TRAF3IP1: variants seen among roughly 807,000 people sequenced by gnomAD.
TRAF3IP1 encodes the protein intraflagellar transport 54, also known as TRAF3-interacting protein 1.
In TRAF3IP1, 53 loss-of-function variants were observed where a neutral mutation model predicts 89.9. The ratio of observed to expected loss-of-function variants is 0.59; its 90% confidence interval spans 0.47 to 0.74. The LOEUF is 0.74. Among genes scored for constraint, TRAF3IP1 ranks in the 30% least tolerant of loss-of-function variants. The probability of loss-of-function intolerance (pLI) is 0.00; values close to 1 mark genes in which losing one functional copy is unlikely to be tolerated. For synonymous variants in TRAF3IP1, 311 were observed against 322.1 expected, an observed-to-expected ratio of 0.97 and a Z score of 0.37; for missense variants, 806 against 866.1, an observed-to-expected ratio of 0.93 and a Z score of 0.87.
At chr2:238,323,317 G>A (rs376957825) in intron 1 of TRAF3IP1, among the ~76,000 whole-genome samples, 1 of 152,178 alleles carries the variant, frequency 6.6e-6, no homozygotes, top group Non-Finnish European at 1.5e-5. Context: ...GACCTCAGGT[G>A]ATCCGCCTGC....
chr2:238,326,272 G>T (rs1300736007), intron 3 of TRAF3IP1, among the ~76,000 whole-genome samples: 2 of 152,226 alleles, frequency 1.3e-5, no homozygotes, highest in Non-Finnish European at 2.9e-5. Flanking sequence ...GCAGGCCCAG[G>T]CTTCCATGCC....
intron 8 of TRAF3IP1, among the ~76,000 whole-genome samples, chr2:238,338,755 G>A (rs1401804627): frequency 6.6e-6 from 1 of 152,202 alleles, no homozygotes; most frequent in Non-Finnish European, 1.5e-5. Context: ...ACAGTGGTGT[G>A]GCTGATGACA....
intron 3 of TRAF3IP1, 141 bp from the exon 4 acceptor site, chr2:238,328,545 C>A (rs1697951170): frequency 3.7e-6 from 4 of 1,080,906 alleles, no homozygotes; most frequent in Non-Finnish European, 3.9e-6. Flanking sequence ...ATAACATGTT[C>A]AAAAAATATT....
chr2:238,332,722 T>C (rs1698188740), intron 5 of TRAF3IP1, 102 bp from the exon 6 acceptor site: 1 of 848,742 alleles, frequency 1.2e-6, no homozygotes, highest in Non-Finnish European at 1.9e-6. Flanking sequence ...ATGGGAAGAA[T>C]GATTTCACTG....
At chr2:238,330,885 T>C (rs928281210) in intron 5 of TRAF3IP1, among the ~76,000 whole-genome samples, 2 of 152,248 alleles carry the variant, frequency 1.3e-5, no homozygotes, top group Non-Finnish European at 2.9e-5. Context: ...CCCTATGATA[T>C]GTGTCATACC....
chr2:238,383,066 CCTTCCCTTGG>C (rs1700615368), intron 15 of TRAF3IP1, among the ~76,000 whole-genome samples: 1 of 152,154 alleles, frequency 6.6e-6, no homozygotes, highest in South Asian at 2.1e-4. Flanking sequence ...CAGCCTGCAG[CCTTCCCTTGG>C]CTTCCGGAAC....
rs1429832501 is a variant in TRAF3IP1, at chr2:238,379,230, T to C, written c.1690-18229T>C. Reference sequence around the variant, plus strand: ...CCCCATTTAAGTCCCTGCCCACGAGTCTCCTCTTCAGAGAGGCCTTTCCTG... The same window carrying C: ...CCCCATTTAAGTCCCTGCCCACGAGCCTCCTCTTCAGAGAGGCCTTTCCTG... On this transcript the variant is annotated intron_variant, in intron 15 of 16. Coordinates refer to ENST00000373327, the MANE Select transcript of TRAF3IP1 (RefSeq NM_015650.4). This position sits in a 1 kb window ranked among gnomAD's most constrained non-coding sequence, Gnocchi z 4.0. Among the ~76,000 whole-genome samples, 1 of 152,074 alleles carries C rather than the reference T, an allele frequency of 6.6e-6. No individual in the cohort carries two copies. Among genetic ancestry groups the C allele is most frequent in the East Asian group, 1.9e-4 (1 of 5,180 alleles).
At chr2:238,344,352 C>T (rs1574916693) in intron 8 of TRAF3IP1, 145 bp from the exon 9 acceptor site, 3 of 658,734 alleles carry the variant, frequency 4.6e-6, no homozygotes, top group Non-Finnish European at 7.8e-6. Context: ...TTTCTAAAAG[C>T]TGCCTTTGGT....
intron 3 of TRAF3IP1, among the ~76,000 whole-genome samples, 179 bp from the exon 4 acceptor site, chr2:238,328,497 TAATAGTTATC>T (rs1697947962): frequency 1.3e-5 from 2 of 152,230 alleles, no homozygotes; most frequent in Admixed American, 1.3e-4. Context: ...GTGCTGAAAG[TAATAGTTATC>T]AAGATATGCT....
At chr2:238,375,504 G>A (rs554897602) in intron 15 of TRAF3IP1, among the ~76,000 whole-genome samples, 15 of 152,222 alleles carry the variant, frequency 9.9e-5, no homozygotes, top group Non-Finnish European at 1.6e-4. Flanking sequence ...ACAGCTTGTC[G>A]TGATTTCTGT....
At chr2:238,350,935 A>G (rs1314336924) in intron 12 of TRAF3IP1, among the ~76,000 whole-genome samples, 1 of 151,992 alleles carries the variant, frequency 6.6e-6, no homozygotes, top group Non-Finnish European at 1.5e-5. Flanking sequence ...GTCATGACCA[A>G]TGTGGGATTT....
At chr2:238,339,964 A>C (rs937203356) in intron 8 of TRAF3IP1, among the ~76,000 whole-genome samples, 4 of 150,890 alleles carry the variant, frequency 2.7e-5, no homozygotes, top group African/African-American at 9.7e-5. Flanking sequence ...TCTGGGTTGA[A>C]CTTTTTGCAG....
intron 12 of TRAF3IP1, among the ~76,000 whole-genome samples, chr2:238,350,559 C>T (rs1699104755): frequency 6.6e-6 from 1 of 152,034 alleles, no homozygotes; most frequent in African/African-American, 2.4e-5. Context: ...AGGGGTGATC[C>T]TACTTTGGGG....
chr2:238,366,723 A>AAAAAATCTTT (rs1424822513), intron 15 of TRAF3IP1, among the ~76,000 whole-genome samples: 2 of 152,164 alleles, frequency 1.3e-5, no homozygotes, highest in African/African-American at 2.4e-5. Flanking sequence ...TTTGCATAAA[A>AAAAAATCTTT]AAAAATCTTT....
At chr2:238,398,666 A>G (rs1701349010) in intron 16 of TRAF3IP1, 88 bp from the exon 17 acceptor site, 1 of 1,327,610 alleles carries the variant, frequency 7.5e-7, no homozygotes, top group Admixed American at 2.7e-5. Context: ...CGAATAATTT[A>G]CTTCTGTTGT....
At chr2:238,328,554 T>C in intron 3 of TRAF3IP1, 132 bp from the exon 4 acceptor site, 2 of 1,121,590 alleles carry the variant, frequency 1.8e-6, no homozygotes, top group African/African-American at 1.6e-5. Context: ...TCAAAAAATA[T>C]TTTATCCTTT....
intron 8 of TRAF3IP1, among the ~76,000 whole-genome samples, chr2:238,341,908 T>C (rs1698677603): frequency 6.6e-6 from 1 of 152,176 alleles, no homozygotes; most frequent in South Asian, 2.1e-4. Context: ...GTTCATTGGT[T>C]ACCAGGTAGC....
Position 238,379,255 on chromosome 2 carries a change from G to A in TRAF3IP1, c.1690-18204G>A, listed in dbSNP as rs965834011. 5.9e-5 allele frequency among the ~76,000 whole-genome samples: 9 copies of A among 152,168 alleles called. No individual in the cohort carries two copies. Among genetic ancestry groups the A allele is most frequent in the Admixed American group, 5.9e-4 (9 of 15,270 alleles). On this transcript the variant is annotated intron_variant, in intron 15 of 16. Coordinates refer to ENST00000373327, the MANE Select transcript of TRAF3IP1 (RefSeq NM_015650.4). The surrounding 1 kb of genome is among the most constrained non-coding windows in gnomAD (Gnocchi z 4.0). ...TCTCCTCTTCAGAGAGGCCTTTCCT[G>A]TCCACCTAGCTGTGTGGGGCCTCAG...
In TRAF3IP1 at chr2:238,351,697, GGTT is replaced by G. The variant is rs1195437898; in HGVS notation, c.1452-1125_1452-1123del. 6.6e-6 allele frequency among the ~76,000 whole-genome samples: 1 copy of G among 152,146 alleles called. No homozygotes were observed. Among genetic ancestry groups the G allele is most frequent in the Non-Finnish European group, 1.5e-5 (1 of 68,028 alleles). The stretch of plus-strand genomic sequence containing the variant: ...TTGGTCCTGGCGGAGCCACACAGGT[GGTT>G]GTTGAGTGTCTCAAGGACCCAGTTG... On this transcript the variant is annotated intron_variant, in intron 12 of 16. Coordinates refer to ENST00000373327, the MANE Select transcript of TRAF3IP1 (RefSeq NM_015650.4). The surrounding 1 kb of genome is among the most constrained non-coding windows in gnomAD (Gnocchi z 5.2).
Sources: gnomAD v4.1 joint callset for allele counts (sites outside exome capture counted in the v4.1 genomes callset) on GRCh38, gnomAD v4.1.1 for gene constraint, Gnocchi (gnomAD v3.1) non-coding constraint, MANE v1.5 for transcripts, NCBI Gene and HGNC (gene_info 2026-07-23, HGNC 2026-07-21) for gene names.